Variants in MAPK10 observed in about 807,000 individuals in gnomAD.
MAPK10 encodes the protein mitogen-activated protein kinase 10.
A neutral mutation model predicts 59.3 loss-of-function variants in MAPK10; 25 were observed. The observed-to-expected ratio is 0.42, with a 90% CI of 0.31 to 0.59. The LOEUF is 0.59. MAPK10 is among the 20% of genes least tolerant of loss of function. MAPK10 has a pLI of 0.15. For missense variants in MAPK10, 351 were observed against 568.9 expected (o/e 0.62, Z 3.90); for synonymous variants, 190 against 200.5 (o/e 0.95, Z 0.44).
At chr4:86,441,195 A>T (rs574837751) in intron 1 of MAPK10, among the ~76,000 whole-genome samples, 67 of 152,226 alleles carry the variant, frequency 4.4e-4, no homozygotes, top group Non-Finnish European at 8.8e-4. Flanking sequence ...GTTTGCATGT[A>T]TATAATGTGT....
At chr4:86,227,403 C>T (rs1476710875) in intron 2 of MAPK10, among the ~76,000 whole-genome samples, 3 of 149,406 alleles carry the variant, frequency 2.0e-5, no homozygotes, top group African/African-American at 5.0e-5. Context: ...AGGAGAATGG[C>T]GTGAACCCGG....
chr4:86,341,581 A>C (rs1039785834), intron 2 of MAPK10, among the ~76,000 whole-genome samples: 1 of 152,204 alleles, frequency 6.6e-6, no homozygotes, highest in South Asian at 2.1e-4. Flanking sequence ...ATCAGAATTA[A>C]GTACTTGACT....
chr4:86,523,838 T>C (rs1757287416), intron 1 of MAPK10, among the ~76,000 whole-genome samples: 1 of 152,244 alleles, frequency 6.6e-6, no homozygotes, highest in South Asian at 2.1e-4. Flanking sequence ...AATGTTTACA[T>C]TGAACTCATT....
In MAPK10 at chr4:86,380,872, A is replaced by C. The variant is rs543544777; in HGVS notation, c.-121-26228T>G. 9.2e-5 allele frequency among the ~76,000 whole-genome samples: 14 copies of C among 151,634 alleles called. No individual in the cohort carries two copies. The South Asian group carries it at 2.7e-3, about 30-fold the overall frequency. On this transcript the variant is annotated intron_variant, in intron 1 of 13. Coordinates refer to the MAPK10 transcript ENST00000361569. ...GTTGGAAAGCATTAAAAAAAAAAAAAAAACACTGGATCTAGTTCATACATC... is the reference window on the plus strand; with the variant it reads ...GTTGGAAAGCATTAAAAAAAAAAAACAAACACTGGATCTAGTTCATACATC...
intron 1 of MAPK10, among the ~76,000 whole-genome samples, chr4:86,482,574 C>T (rs998720227): frequency 4.6e-5 from 7 of 152,066 alleles, no homozygotes; most frequent in African/African-American, 1.4e-4. Context: ...TGCCTTGTTC[C>T]AACAATGAGA....
chr4:86,158,065 A>G (rs1033012338), intron 4 of MAPK10, among the ~76,000 whole-genome samples: 7 of 152,046 alleles, frequency 4.6e-5, no homozygotes, highest in Non-Finnish European at 1.0e-4. Flanking sequence ...GGAGAGTTAC[A>G]GCAATTGTCT....
At chr4:86,172,564 C>G (rs538418319) in intron 3 of MAPK10, among the ~76,000 whole-genome samples, 2 of 136,698 alleles carry the variant, frequency 1.5e-5, no homozygotes, top group South Asian at 2.5e-4. Flanking sequence ...TCACACTCTG[C>G]GGACTGTTGT....
chr4:86,212,272 C>T (rs2086054779), intron 2 of MAPK10, among the ~76,000 whole-genome samples: 1 of 152,006 alleles, frequency 6.6e-6, no homozygotes, highest in South Asian at 2.1e-4. Context: ...GCATCTAGCA[C>T]TTTGGGAGGC....
At chr4:86,546,949 G>A (rs998673902) in intron 1 of MAPK10, among the ~76,000 whole-genome samples, 1 of 151,980 alleles carries the variant, frequency 6.6e-6, no homozygotes, top group Non-Finnish European at 1.5e-5. Context: ...CCAGTTACTC[G>A]GGAGGCTGAG....
intron 1 of MAPK10, among the ~76,000 whole-genome samples, chr4:86,459,650 G>C (rs1445115189): frequency 6.6e-6 from 1 of 152,202 alleles, no homozygotes; most frequent in African/African-American, 2.4e-5. Context: ...TATTCTAAAT[G>C]AAGTAACTCA....
chr4:86,095,534 T>C (rs920267093), intron 9 of MAPK10: 1 of 151,822 alleles, frequency 6.6e-6, no homozygotes, highest in African/African-American at 2.4e-5. Context: ...CTGGAAGTAG[T>C]CAAGGTATCA....
intron 1 of MAPK10, among the ~76,000 whole-genome samples, chr4:86,459,610 C>T (rs574961585): frequency 3.3e-5 from 5 of 152,252 alleles, no homozygotes; most frequent in East Asian, 1.9e-4. Context: ...TAATGGCATT[C>T]GCAGTGACCT....
intron 1 of MAPK10, among the ~76,000 whole-genome samples, chr4:86,459,763 C>T (rs1405779822): frequency 6.8e-6 from 1 of 147,838 alleles, no homozygotes; most frequent in Non-Finnish European, 1.5e-5. Context: ...GGGACTCAGG[C>T]AGAAAGGGTG....
At chr4:86,170,176 C>T (rs990171784) in intron 3 of MAPK10, among the ~76,000 whole-genome samples, 2 of 151,508 alleles carry the variant, frequency 1.3e-5, no homozygotes, top group African/African-American at 4.9e-5. Context: ...AACCAGCTAA[C>T]ATCATAATGA....
intron 3 of MAPK10, among the ~76,000 whole-genome samples, chr4:86,181,758 G>A (rs1399104755): frequency 6.6e-6 from 1 of 152,088 alleles, no homozygotes; most frequent in Non-Finnish European, 1.5e-5. Context: ...ACTGAATGGG[G>A]AAAACAAATC....
chr4:86,171,745 A>G (rs1166375228), intron 3 of MAPK10, among the ~76,000 whole-genome samples: 1 of 151,824 alleles, frequency 6.6e-6, no homozygotes, highest in Non-Finnish European at 1.5e-5. Context: ...ATTAAACTAA[A>G]GAGCTTCTGC....
At chr4:86,456,629 G>A (rs1175789433), upstream of MAPK10, among the ~76,000 whole-genome samples, 1 of 151,866 alleles carries the variant, frequency 6.6e-6, no homozygotes, top group Non-Finnish European at 1.5e-5. Flanking sequence ...ACTCTGAACA[G>A]ACCAATAACA....
At chr4:86,444,213 C>T (rs1350622193) in intron 1 of MAPK10, among the ~76,000 whole-genome samples, 1 of 151,962 alleles carries the variant, frequency 6.6e-6, no homozygotes, top group Non-Finnish European at 1.5e-5. Flanking sequence ...GACACCAAAC[C>T]ACAAATCCAG....
At chr4:86,443,333 C>A (rs1176072799) in intron 1 of MAPK10, among the ~76,000 whole-genome samples, 1 of 152,172 alleles carries the variant, frequency 6.6e-6, no homozygotes, top group African/African-American at 2.4e-5. Context: ...ACAAGGCCTG[C>A]CCTCAGGAGA....
Sources: gnomAD v4.1 joint callset for allele counts (sites outside exome capture counted in the v4.1 genomes callset) on GRCh38, gnomAD v4.1.1 for gene constraint, MANE v1.5 for transcripts, NCBI Gene and HGNC (gene_info 2026-07-23, HGNC 2026-07-21) for gene names.